PANK3: variants seen among roughly 807,000 people sequenced by gnomAD.
PANK3 encodes pantothenate kinase 3, also known as hPanK3.
A neutral mutation model predicts 39.4 loss-of-function variants in PANK3; 20 were observed. The ratio of observed to expected loss-of-function variants is 0.51; its 90% CI spans 0.36 to 0.74. The LOEUF (loss-of-function observed/expected upper bound fraction) is 0.74, where lower values mean the gene tolerates loss of function less well. PANK3 is among the 30% of genes least tolerant of loss of function. PANK3 has a pLI of 0.00. For synonymous variants in PANK3, 140 were observed against 157.3 expected, an observed-to-expected ratio of 0.89 and a Z score of 0.82; for missense variants, 265 against 437.0, an observed-to-expected ratio of 0.61 and a Z score of 3.51.
At chr5:168,578,838 G>A (rs964612773) in intron 1 of PANK3, 2 of 166,376 alleles carry the variant, frequency 1.2e-5, no homozygotes, top group Non-Finnish European at 2.6e-5. Context: ...GGAACCCACC[G>A]GCATTTCAAG....
intron 5 of PANK3, among the ~76,000 whole-genome samples, chr5:168,560,149 C>G (rs1219556707): frequency 5.3e-5 from 8 of 152,178 alleles, no homozygotes; most frequent in African/African-American, 1.9e-4. Context: ...GAATAAAGGT[C>G]TCAAATTGTT....
chr5:168,567,315 CTGTT>C (rs555784688), intron 2 of PANK3, among the ~76,000 whole-genome samples: 40 of 152,260 alleles, frequency 2.6e-4, no homozygotes, highest in African/African-American at 9.1e-4. Flanking sequence ...AATGATCATA[CTGTT>C]TGTTAATCTA....
At chr5:168,574,703 A>G (rs1348461570) in intron 1 of PANK3, among the ~76,000 whole-genome samples, 1 of 152,148 alleles carries the variant, frequency 6.6e-6, no homozygotes, top group Non-Finnish European at 1.5e-5. Flanking sequence ...TCTACCAGAA[A>G]TACAAAAATT....
At chr5:168,563,866 A>G (rs1759483243) in intron 4 of PANK3, 23 bp downstream of exon 4, 5 of 1,550,100 alleles carry the variant, frequency 3.2e-6, no homozygotes, top group Non-Finnish European at 4.3e-6. Flanking sequence ...CTGTAACTTA[A>G]ATAACACAAA....
chr5:168,573,592 A>G (rs1759683143), intron 1 of PANK3, among the ~76,000 whole-genome samples: 1 of 151,756 alleles, frequency 6.6e-6, no homozygotes, highest in African/African-American at 2.4e-5. Context: ...ACATATGTAT[A>G]CATGTGCCAT....
In PANK3 at chr5:168,555,026, A is replaced by T. The variant is rs1027371695; in HGVS notation, c.*2545T>A. The T allele has an allele frequency of 4.6e-5, 7 of 152,228 alleles. No individual in the cohort carries two copies. The highest frequency in any genetic ancestry group is 1.7e-4 in the African/African-American group (7 of 41,456). The allele number at this position is 152,228 out of a possible 1,614,324, so 9.4% of individuals were successfully genotyped here. On this transcript the variant is annotated 3_prime_UTR_variant, in exon 7 of 7. Coordinates refer to ENST00000239231, the MANE Select transcript of PANK3 (RefSeq NM_024594.4). ...TATGTAATCTAGAGGTACTGGAATAATAAGAACACAAAATCATAATGAAGG... is the reference window on the plus strand; with the variant it reads ...TATGTAATCTAGAGGTACTGGAATATTAAGAACACAAAATCATAATGAAGG...
chr5:168,563,818 G>T, intron 4 of PANK3, 71 bp downstream of exon 4: 1 of 1,389,420 alleles, frequency 7.2e-7, no homozygotes, highest in Non-Finnish European at 9.7e-7. Flanking sequence ...CTGTTACATT[G>T]CTTTCCAAAA....
chr5:168,566,236 C>A lies in PANK3; in HGVS notation c.412G>T (p.Glu138Ter). ...IGNLHLHKLD[E>*]LDCLVKGLLY... Reference sequence around the variant, plus strand: ...AAGCCCTTTACAAGGCAGTCAAGTTCATCCAGTTTGTGCAGGTGGAGGTTT... The same window carrying A: ...AAGCCCTTTACAAGGCAGTCAAGTTAATCCAGTTTGTGCAGGTGGAGGTTT... Residue 138 changes from glutamate (E) to a stop codon, truncating the protein, a stop_gained, in exon 3 of 7, where the codon GAA becomes TAA. Transcript: ENST00000239231. LOFTEE classifies it high-confidence loss of function. 1 of 1,608,448 alleles carries A rather than the reference C, an allele frequency of 6.2e-7. No individual in the cohort carries two copies. The highest frequency in any genetic ancestry group is 1.1e-5 in the South Asian group (1 of 90,924).
chr5:168,573,382 A>G (rs1159584362), intron 1 of PANK3, among the ~76,000 whole-genome samples: 1 of 140,258 alleles, frequency 7.1e-6, no homozygotes, highest in Non-Finnish European at 1.5e-5. Flanking sequence ...AATAATCACT[A>G]TTAAAAAGCA....
rs1561844710 is a variant in PANK3, at chr5:168,579,296, A to AG, written c.-14dup. 1 of 1,484,104 alleles carries AG rather than the reference A, an allele frequency of 6.7e-7. No homozygotes were observed. Among genetic ancestry groups the AG allele is most frequent in the Admixed American group, 2.4e-5 (1 of 41,514 alleles). 91.9% of individuals were successfully genotyped at this position (1,484,104 alleles called of 1,614,324 possible). A position where few individuals can be genotyped will look rare whatever the true frequency, so the allele number is the denominator to read the frequency against. On this transcript the variant is annotated 5_prime_UTR_variant, in exon 1 of 7. Coordinates refer to ENST00000239231, the MANE Select transcript of PANK3 (RefSeq NM_024594.4). The stretch of plus-strand genomic sequence containing the variant: ...CTTTGATCTTCATGGCGTCGGCCCG[A>AG]GGGGCGATGGACGGCCTCCGATCCG...
At position 168,550,421 on chromosome 5, in the gene PANK3, A is replaced by G. The variant is rs1759258972; in HGVS notation, c.*7150T>C. On this transcript the variant is annotated 3_prime_UTR_variant, in exon 7 of 7. Transcript: ENST00000239231. ...ATCTGTATTCTAACATTTATGAATA[A>G]TTTTTTGTACAATGAAAAAGTCATA... is the stretch of plus-strand genomic sequence containing the variant. 1 of 152,208 alleles carries G rather than the reference A, an allele frequency of 6.6e-6. No individual in the cohort carries two copies. The highest frequency in any genetic ancestry group is 1.5e-5 in the Non-Finnish European group (1 of 68,032). 9.4% of individuals were successfully genotyped at this position (152,208 alleles called of 1,614,324 possible). A position where few individuals can be genotyped will look rare whatever the true frequency, so the allele number is the denominator to read the frequency against.
Position 168,553,523 on chromosome 5 carries a change from G to C in PANK3, c.*4048C>G. On this transcript the variant is annotated 3_prime_UTR_variant, in exon 7 of 7. Coordinates refer to ENST00000239231, the MANE Select transcript of PANK3 (RefSeq NM_024594.4). ...ATTGGGGAAGATGGCCACAGACAAG[G>C]GCCAGGGGGACATGAGCAAAACCTC... The C allele has an allele frequency of 3.0e-6, 1 of 337,066 alleles. No homozygotes were observed. 20.9% of individuals were successfully genotyped at this position (337,066 alleles called of 1,614,324 possible). A position where few individuals can be genotyped will look rare whatever the true frequency, so the allele number is the denominator to read the frequency against.
chr5:168,558,310 G>A (rs1421101172), intron 6 of PANK3, among the ~76,000 whole-genome samples: 2 of 151,910 alleles, frequency 1.3e-5, no homozygotes, highest in African/African-American at 2.4e-5. Context: ...ACAGGCGCCC[G>A]CCACCTCGCC....
In PANK3 at chr5:168,566,282, A is replaced by C. The variant is rs766352071; in HGVS notation, c.382-16T>G. ...GGTTTCCAATCTGTTAAAACAAACAAACAAAAACAAAAAAGGATGACATTC... is the reference window on the plus strand; with the variant it reads ...GGTTTCCAATCTGTTAAAACAAACACACAAAAACAAAAAAGGATGACATTC... On this transcript the variant is annotated splice_polypyrimidine_tract_variant and intron_variant, in intron 2 of 6. Transcript: ENST00000239231. 5 of 1,561,148 alleles carry C rather than the reference A, an allele frequency of 3.2e-6. No individual in the cohort carries two copies. The highest frequency in any genetic ancestry group is 4.4e-6 in the Non-Finnish European group (5 of 1,148,942).
At chr5:168,562,478 T>C (rs1042190935) in intron 4 of PANK3, among the ~76,000 whole-genome samples, 3 of 152,102 alleles carry the variant, frequency 2.0e-5, no homozygotes, top group African/African-American at 7.2e-5. Context: ...AGGCAGGAGA[T>C]ATTACTGAAG....
At chr5:168,558,065 G>A (rs963214086) in intron 6 of PANK3, among the ~76,000 whole-genome samples, 1 of 151,402 alleles carries the variant, frequency 6.6e-6, no homozygotes, top group Admixed American at 6.6e-5. Context: ...GGCTGTGCCT[G>A]ACACTCTCAC....
chr5:168,567,076 G>C (rs955718734), intron 2 of PANK3, among the ~76,000 whole-genome samples: 1 of 152,180 alleles, frequency 6.6e-6, no homozygotes, highest in African/African-American at 2.4e-5. Context: ...AAATTTGCTA[G>C]GAATTGAACC....
intron 3 of PANK3, 114 bp downstream of exon 3, chr5:168,565,899 C>CA: frequency 2.6e-6 from 1 of 383,710 alleles, no homozygotes; most frequent in African/African-American, 2.8e-5. Flanking sequence ...TTTTTTTTTG[C>CA]TGTTGTGCAA....
At chr5:168,579,230 C>G (rs1759788840) in intron 1 of PANK3, 26 bp downstream of exon 1, 3 of 1,485,000 alleles carry the variant, frequency 2.0e-6, no homozygotes, top group Non-Finnish European at 2.7e-6. Context: ...CCCTCCCAAC[C>G]TGGCGGGCCC....
Sources: gnomAD v4.1 joint callset for allele counts (sites outside exome capture counted in the v4.1 genomes callset) on GRCh38, gnomAD v4.1.1 for gene constraint, MANE v1.5 for transcripts, NCBI Gene and HGNC (gene_info 2026-07-23, HGNC 2026-07-21) for gene names.